The following RUNX2 variants were observed in gnomAD, a reference collection of about 807,000 sequenced individuals.
RUNX2 encodes the protein runt-related transcription factor 2.
RUNX2 carries 10 observed loss-of-function variants against 51.7 expected under a neutral mutation model. That is an observed-to-expected ratio of 0.19 (90% CI 0.12 to 0.33). The LOEUF (loss-of-function observed/expected upper bound fraction) is 0.33, where lower values mean the gene tolerates loss of function less well. RUNX2 is among the 10% of genes least tolerant of loss of function. RUNX2 has a pLI of 1.00. For missense variants in RUNX2, 562 were observed against 691.3 expected (o/e 0.81, Z 2.10); for synonymous variants, 276 against 273.6 (o/e 1.01, Z -0.09).
intron 2 of RUNX2, among the ~76,000 whole-genome samples, chr6:45,356,234 T>C (rs1793143502): frequency 6.6e-6 from 1 of 152,118 alleles, no homozygotes; most frequent in Non-Finnish European, 1.5e-5. Flanking sequence ...TTTTAAAATC[T>C]ACATAGGTGT....
At chr6:45,370,582 G>A (rs889925634) in intron 2 of RUNX2, among the ~76,000 whole-genome samples, 6 of 152,046 alleles carry the variant, frequency 3.9e-5, no homozygotes, top group African/African-American at 1.4e-4. Context: ...AAGGATATAA[G>A]GATCAACTAA....
rs1372054304 is a variant in RUNX2, at chr6:45,547,654, T to C, written c.*349T>C. The C allele has an allele frequency of 9.1e-6, 3 of 328,372 alleles. No homozygotes were observed. Among genetic ancestry groups the C allele is most frequent in the Non-Finnish European group, 1.8e-5 (3 of 171,280 alleles). 20.3% of individuals were successfully genotyped at this position (328,372 alleles called of 1,614,324 possible). ...CATATGCCAATTCAGAGAGGTGGAC[T>C]CCAGGTTCAGGAGGGAGAAGAGCAA... On this transcript the variant is annotated 3_prime_UTR_variant, in exon 9 of 9. Transcript: ENST00000647337.
intron 6 of RUNX2, among the ~76,000 whole-genome samples, chr6:45,509,830 C>G (rs554715047): frequency 2.0e-5 from 3 of 152,162 alleles, no homozygotes; most frequent in Non-Finnish European, 4.4e-5. Flanking sequence ...GGCAGGGGGC[C>G]CTAGACGGAT....
At chr6:45,393,274 T>A (rs1386687257) in intron 2 of RUNX2, among the ~76,000 whole-genome samples, 1 of 152,206 alleles carries the variant, frequency 6.6e-6, no homozygotes, top group East Asian at 1.9e-4. Context: ...AAGTCAAGTA[T>A]GGTGTATTGG....
At chr6:45,393,317 G>C (rs1294444540) in intron 2 of RUNX2, among the ~76,000 whole-genome samples, 1 of 152,148 alleles carries the variant, frequency 6.6e-6, no homozygotes, top group Non-Finnish European at 1.5e-5. Flanking sequence ...GGCCCTCACT[G>C]TGTGGTTTTA....
At chr6:45,341,687 C>G (rs1789811372) in intron 2 of RUNX2, among the ~76,000 whole-genome samples, 1 of 152,076 alleles carries the variant, frequency 6.6e-6, no homozygotes, top group Non-Finnish European at 1.5e-5. Flanking sequence ...ATGAAAATAA[C>G]TACGGAATAA....
chr6:45,422,096 G>C (rs1442211910), intron 2 of RUNX2: 4 of 148,746 alleles, frequency 2.7e-5, no homozygotes, highest in African/African-American at 4.9e-5. Context: ...AGCAGCGCGC[G>C]GCGCGGCGCG....
chr6:45,411,591 T>G (rs1797951684), intron 2 of RUNX2, among the ~76,000 whole-genome samples: 1 of 152,202 alleles, frequency 6.6e-6, no homozygotes, highest in African/African-American at 2.4e-5. Flanking sequence ...ATTCTCTTAT[T>G]TTTTATTTGT....
chr6:45,491,558 T>G (rs1800465091), intron 5 of RUNX2, among the ~76,000 whole-genome samples: 1 of 151,964 alleles, frequency 6.6e-6, no homozygotes, highest in African/African-American at 2.4e-5. Flanking sequence ...CTCTCTGAAC[T>G]TTCAGAGGGG....
In RUNX2 at chr6:45,422,729, A is replaced by ACAG. The variant is rs751673070; in HGVS notation, c.211_213dup (p.Gln71dup). On this transcript the variant is annotated inframe_insertion, in exon 3 of 9. Coordinates refer to ENST00000647337, the MANE Select transcript of RUNX2 (RefSeq NM_001024630.4). ...AGCAACAGCAGCAGCAGCAGCAGCA[A>ACAG]CAGCAGCAGCAGCAGCAGGAGGCGG... 3.9e-5 allele frequency: 60 copies of ACAG among 1,557,438 alleles called. No homozygotes were observed. The highest frequency in any genetic ancestry group is 5.8e-5 in the South Asian group (5 of 86,072).
intron 6 of RUNX2, among the ~76,000 whole-genome samples, chr6:45,497,067 G>A (rs1291664633): frequency 6.6e-6 from 1 of 152,078 alleles, no homozygotes; most frequent in Non-Finnish European, 1.5e-5. Flanking sequence ...GCAGTTGGGT[G>A]GAGAAAAGAA....
chr6:45,379,562 C>G (rs1797178943), intron 2 of RUNX2, among the ~76,000 whole-genome samples: 2 of 152,102 alleles, frequency 1.3e-5, no homozygotes, highest in South Asian at 4.1e-4. Flanking sequence ...TACTGGTGTC[C>G]AGCCTGCATA....
At chr6:45,345,137 T>C (rs1037959212) in intron 2 of RUNX2, among the ~76,000 whole-genome samples, 2 of 152,166 alleles carry the variant, frequency 1.3e-5, no homozygotes, top group African/African-American at 4.8e-5. Flanking sequence ...GAGATATTAA[T>C]ACAAGATGTC....
intron 5 of RUNX2, among the ~76,000 whole-genome samples, chr6:45,447,328 G>A (rs1003697900): frequency 2.0e-5 from 3 of 152,162 alleles, no homozygotes; most frequent in Non-Finnish European, 4.4e-5. Flanking sequence ...ATACTCTTAA[G>A]AGTGCAAGAT....
intron 7 of RUNX2, among the ~76,000 whole-genome samples, chr6:45,522,784 T>C (rs1008122973): frequency 6.6e-6 from 1 of 152,240 alleles, no homozygotes; most frequent in African/African-American, 2.4e-5. Flanking sequence ...AGTAGAAAAG[T>C]CTACCCAGGA....
At chr6:45,337,500 T>C (rs1215986308) in intron 2 of RUNX2, among the ~76,000 whole-genome samples, 2 of 151,842 alleles carry the variant, frequency 1.3e-5, no homozygotes, top group African/African-American at 2.4e-5. Context: ...AGCTGATGCA[T>C]CTACACATAG....
At chr6:45,422,136 G>C (rs1423305845) in intron 2 of RUNX2, 1 of 151,372 alleles carries the variant, frequency 6.6e-6, no homozygotes, top group East Asian at 2.0e-4. Context: ...GGCAATGCCG[G>C]CCCCGGGGCT....
chr6:45,348,819 T>C (rs1791447995), intron 2 of RUNX2, among the ~76,000 whole-genome samples: 1 of 152,186 alleles, frequency 6.6e-6, no homozygotes, highest in Non-Finnish European at 1.5e-5. Context: ...GTAACCAAAA[T>C]TCCTATCGAT....
At chr6:45,381,313 G>A (rs1797236462) in intron 2 of RUNX2, among the ~76,000 whole-genome samples, 1 of 152,212 alleles carries the variant, frequency 6.6e-6, no homozygotes, top group Admixed American at 6.5e-5. Flanking sequence ...AAACCTTACA[G>A]CCCTAAAATT....
Sources: allele counts gnomAD v4.1 joint callset (sites outside exome capture counted in the v4.1 genomes callset), GRCh38; gene constraint gnomAD v4.1.1; transcripts MANE v1.5; gene names NCBI Gene and HGNC (gene_info 2026-07-23, HGNC 2026-07-21).